TRAPPC10: variants seen among roughly 807,000 people sequenced by gnomAD.
TRAPPC10 encodes the protein TRAPP 130 kDa subunit.
A neutral mutation model predicts 125.5 loss-of-function variants in TRAPPC10; 23 were observed. The ratio of observed to expected loss-of-function variants is 0.18; its 90% confidence interval spans 0.13 to 0.26. The LOEUF is 0.26. Ranked by LOEUF, TRAPPC10 falls within the 10% of genes least tolerant of loss-of-function variation. The pLI, the probability that TRAPPC10 is intolerant of heterozygous loss-of-function variation, is 1.00. For synonymous variants in TRAPPC10, 509 were observed against 518.0 expected (o/e 0.98, Z 0.24); for missense variants, 1,123 against 1,308.4 (o/e 0.86, Z 2.19).
chr21:44,023,544 A>G (rs2032770287), intron 1 of TRAPPC10, among the ~76,000 whole-genome samples: 1 of 152,168 alleles, frequency 6.6e-6, no homozygotes, highest in South Asian at 2.1e-4. Flanking sequence ...GGTCTAAGAT[A>G]GAGGCATCTT....
intron 7 of TRAPPC10, among the ~76,000 whole-genome samples, chr21:44,068,748 G>T (rs554051540): frequency 6.6e-6 from 1 of 151,820 alleles, no homozygotes; most frequent in Admixed American, 6.6e-5. Context: ...TTACAGGTGC[G>T]CACCACCATG....
At chr21:44,079,983 G>A (rs1331158213) in intron 12 of TRAPPC10, 32 bp from the exon 13 acceptor site, 1 of 1,585,672 alleles carries the variant, frequency 6.3e-7, no homozygotes, top group Non-Finnish European at 8.7e-7. Context: ...CTAAGTATGA[G>A]CCTCTCCACG....
intron 1 of TRAPPC10, among the ~76,000 whole-genome samples, chr21:44,020,632 TCAAAAAA>T (rs1371649795): frequency 6.6e-6 from 1 of 151,690 alleles, no homozygotes; most frequent in Admixed American, 6.6e-5. Flanking sequence ...AGACCCTGTC[TCAAAAAA>T]CAAAAAACAA....
intron 7 of TRAPPC10, 59 bp from the exon 8 acceptor site, chr21:44,074,241 CGTTCAAGCTAGAGCATGTGGGTTT>C (rs1227562634): frequency 1.2e-5 from 18 of 1,557,624 alleles, no homozygotes; most frequent in Non-Finnish European, 1.3e-5. Context: ...GGGTTTTGCA[CGTTCAAGCTAGAGCATGTGGGTTT>C]GTTCAAGCTA....
At chr21:44,038,965 C>T (rs751108988) in intron 3 of TRAPPC10, among the ~76,000 whole-genome samples, 5 of 152,320 alleles carry the variant, frequency 3.3e-5, no homozygotes, top group Admixed American at 1.3e-4. Flanking sequence ...CAGGCTGCGC[C>T]GTAGGCCCCC....
At chr21:44,062,539 G>A (rs1273206068) in intron 6 of TRAPPC10, 1 of 985,432 alleles carries the variant, frequency 1.0e-6, no homozygotes, top group Non-Finnish European at 1.2e-6. Flanking sequence ...TGAGAATCCT[G>A]TGGGAGGGGA....
rs141957697 is a variant in TRAPPC10, at chr21:44,072,307, C to T, written c.1039-2017C>T. On this transcript the variant is annotated intron_variant, in intron 7 of 22. Transcript: ENST00000291574. ...CAGCGCCTGGTCGCGGAGCGGCCCT[C>T]GTGCCCTGGCTGCTCTTGCTTCTGC... is the stretch of plus-strand genomic sequence containing the variant. Among the ~76,000 whole-genome samples, 777 of 152,322 alleles carry T rather than the reference C, an allele frequency of 5.1e-3. 8 individuals are homozygous for T. Among genetic ancestry groups the T allele is most frequent in the South Asian group, 0.014 (69 of 4,826 alleles).
At chr21:44,073,027 T>G (rs142908416) in intron 7 of TRAPPC10, among the ~76,000 whole-genome samples, 1 of 152,242 alleles carries the variant, frequency 6.6e-6, no homozygotes, top group African/African-American at 2.4e-5. Flanking sequence ...TGCCCCGCTT[T>G]TCTGTGCCTT....
intron 12 of TRAPPC10, 94 bp downstream of exon 12, chr21:44,079,798 A>G (rs1225487311): frequency 7.3e-7 from 1 of 1,364,984 alleles, no homozygotes; most frequent in Non-Finnish European, 1.0e-6. Context: ...CCTATTATTA[A>G]GGAGAGAAAA....
chr21:44,083,009 A>G lies in TRAPPC10; in HGVS notation c.1945A>G (p.Lys649Glu), dbSNP rs745876025. 6.2e-6 allele frequency: 10 copies of G among 1,614,132 alleles called. No homozygotes were observed. Among genetic ancestry groups the G allele is most frequent in the Non-Finnish European group, 8.5e-6 (10 of 1,180,022 alleles). Residue 649 changes from lysine (K) to glutamate (E), a missense_variant, in exon 14 of 23, where the codon AAG becomes GAG. Around this residue, in one of 4 missense-constraint regions of TRAPPC10, gnomAD observed 840 missense variants for 902.0 expected, o/e 0.93. Transcript: ENST00000291574. The part of the protein sequence containing the change: ...RKTAEWLTKH[K>E]TSNGIINFPP... Reference sequence around the variant, plus strand: ...GACTGCGGAGTGGCTTACCAAGCACAAGACGTCCAATGGGATCATTAACTT... The same window carrying G: ...GACTGCGGAGTGGCTTACCAAGCACGAGACGTCCAATGGGATCATTAACTT...
intron 1 of TRAPPC10, among the ~76,000 whole-genome samples, chr21:44,021,843 G>A (rs1337190710): frequency 6.6e-6 from 1 of 152,118 alleles, no homozygotes; most frequent in African/African-American, 2.4e-5. Flanking sequence ...GCAAGGAAGT[G>A]GCTGTCTGCA....
intron 10 of TRAPPC10, among the ~76,000 whole-genome samples, chr21:44,076,860 C>T (rs572242287): frequency 6.6e-6 from 1 of 152,048 alleles, no homozygotes; most frequent in Non-Finnish European, 1.5e-5. Context: ...GAATATTTAC[C>T]GTTTTGTTCA....
At position 44,082,848 on chromosome 21, in the gene TRAPPC10, C is replaced by T. The variant is rs376821457; in HGVS notation, c.1784C>T (p.Pro595Leu). The T allele has an allele frequency of 2.5e-6, 4 of 1,613,942 alleles. No individual in the cohort carries two copies. Among genetic ancestry groups the T allele is most frequent in the Non-Finnish European group, 3.4e-6 (4 of 1,180,026 alleles). Residue 595 changes from proline to leucine, a missense_variant, in exon 14 of 23, where the codon CCC (proline) becomes CTC (leucine). Pro to Leu is a moderately conservative substitution (Grantham distance 98). This residue lies in a region of TRAPPC10 where 840 missense variants were observed against 902.0 expected (regional missense o/e 0.93). Transcript: ENST00000291574. This position sits in a 1 kb window ranked among gnomAD's most constrained non-coding sequence, Gnocchi z 4.4. ...CAACTGCGAGATCTCCATTTTGATC[C>T]CTCCAATGCCGTGGTCCACGTGGGC... ...FAQLRDLHFDPSNAVVHVGGV... is the reference protein window; with the variant it reads ...FAQLRDLHFDLSNAVVHVGGV...
At chr21:44,074,727 G>C (rs551453075) in intron 8 of TRAPPC10, among the ~76,000 whole-genome samples, 1 of 152,356 alleles carries the variant, frequency 6.6e-6, no homozygotes, top group Non-Finnish European at 1.5e-5. Context: ...GGACACGAGG[G>C]TGGTGCTGAA....
intron 2 of TRAPPC10, among the ~76,000 whole-genome samples, chr21:44,033,664 C>T (rs188760121): frequency 1.3e-5 from 2 of 152,146 alleles, no homozygotes; most frequent in African/African-American, 2.4e-5. Flanking sequence ...AGTTCAAGAC[C>T]GGCCTGAGCA....
At chr21:44,092,581 A>G (rs940293054) in intron 19 of TRAPPC10, among the ~76,000 whole-genome samples, 2 of 132,290 alleles carry the variant, frequency 1.5e-5, no homozygotes, top group South Asian at 5.5e-4. Context: ...TCCTTAATGG[A>G]TGTCTGAATC....
chr21:44,078,628 A>G (rs1601776808), intron 11 of TRAPPC10, among the ~76,000 whole-genome samples: 2 of 152,146 alleles, frequency 1.3e-5, no homozygotes, highest in South Asian at 4.1e-4. Flanking sequence ...CCGATTACCC[A>G]CTGGTTAACA....
intron 15 of TRAPPC10, 139 bp from the exon 16 acceptor site, chr21:44,086,663 G>T: frequency 2.2e-6 from 2 of 901,006 alleles, no homozygotes; most frequent in Non-Finnish European, 3.4e-6. Flanking sequence ...GGGAATGGAA[G>T]TAGAAGGAAT....
chr21:44,041,115 C>T (rs1463912481), intron 3 of TRAPPC10, among the ~76,000 whole-genome samples: 3 of 152,048 alleles, frequency 2.0e-5, no homozygotes, highest in Admixed American at 6.6e-5. Flanking sequence ...TGATGTTCTA[C>T]TTAATTCATT....
Sources: allele counts gnomAD v4.1 joint callset (sites outside exome capture counted in the v4.1 genomes callset), GRCh38; gene constraint gnomAD v4.1.1; regional missense constraint gnomAD v4.1.1; non-coding constraint Gnocchi (gnomAD v3.1); transcripts MANE v1.5; gene names NCBI Gene and HGNC (gene_info 2026-07-23, HGNC 2026-07-21).